LDHAL6A: variants seen among roughly 807,000 people sequenced by gnomAD.
The protein encoded by LDHAL6A is lactate dehydrogenase A like 6A.
Under a neutral mutation model 28.2 loss-of-function variants are expected in LDHAL6A, and 19 were observed. The ratio of observed to expected loss-of-function variants is 0.67; its 90% CI spans 0.47 to 0.99. The LOEUF is 0.99. Among genes scored for constraint, LDHAL6A ranks in the 50% least tolerant of loss-of-function variants. The pLI is 0.00. For missense variants in LDHAL6A, 372 were observed against 398.6 expected (o/e 0.93, Z 0.57); for synonymous variants, 144 against 134.4 (o/e 1.07, Z -0.49).
At chr11:18,470,880 T>C (rs1457840471) in intron 3 of LDHAL6A, among the ~76,000 whole-genome samples, 2 of 151,744 alleles carry the variant, frequency 1.3e-5, no homozygotes, top group South Asian at 2.1e-4. Context: ...AGAGACGGGG[T>C]TTCACCATGA....
rs150526077 is a variant in LDHAL6A at position 18,474,885 on chromosome 11, T to C, written c.419-581T>C. ...CAATGCTCTTTGCTTCCTTCTATTTTATGGTTAAAATAACACTTGTCATTG... is the reference window on the plus strand; with the variant it reads ...CAATGCTCTTTGCTTCCTTCTATTTCATGGTTAAAATAACACTTGTCATTG... On this transcript the variant is annotated intron_variant, in intron 3 of 6. Transcript: ENST00000280706. Among the ~76,000 whole-genome samples, 739 of 152,330 alleles carry C rather than the reference T, an allele frequency of 4.9e-3. 6 individuals are homozygous for C. Among genetic ancestry groups the C allele is most frequent in the African/African-American group, 0.017 (714 of 41,574 alleles).
chr11:18,478,963 G>A lies in LDHAL6A; in HGVS notation c.*93G>A. ...TTTGAATAAATTTGAATTTCTAAAAGTTGGAAAAATAGAGGAAAGAGTGAC... is the reference window on the plus strand; with the variant it reads ...TTTGAATAAATTTGAATTTCTAAAAATTGGAAAAATAGAGGAAAGAGTGAC... On this transcript the variant is annotated 3_prime_UTR_variant, in exon 7 of 7. Coordinates refer to ENST00000280706, the MANE Select transcript of LDHAL6A (RefSeq NM_144972.5). 8.7e-7 allele frequency: 1 copy of A among 1,153,230 alleles called. No homozygotes were observed. The highest frequency in any genetic ancestry group is 1.2e-6 in the Non-Finnish European group (1 of 818,884). The allele number at this position is 1,153,230 out of a possible 1,614,324, so 71.4% of individuals were successfully genotyped here.
At chr11:18,463,001 T>A (rs966288960) in intron 1 of LDHAL6A, among the ~76,000 whole-genome samples, 1 of 151,910 alleles carries the variant, frequency 6.6e-6, no homozygotes, top group Non-Finnish European at 1.5e-5. Flanking sequence ...CTTTCTTACA[T>A]ATAAAGTAGC....
In LDHAL6A at chr11:18,468,048, CGTATATATATAT is replaced by C. The variant is rs1565071768; in HGVS notation, c.418+2239_418+2250del. 1.6e-3 allele frequency among the ~76,000 whole-genome samples: 57 copies of C among 35,514 alleles called. 3 individuals are homozygous for C. The highest frequency in any genetic ancestry group is 6.1e-3 in the Admixed American group (17 of 2,766). 23.3% of individuals were successfully genotyped at this position (35,514 alleles called of 152,430 possible). ...ACGTATATATATATACATATATATA[CGTATATATATAT>C]ACATATATATATATATATTTTGCTT... On this transcript the variant is annotated intron_variant, in intron 3 of 6. Coordinates refer to ENST00000280706, the MANE Select transcript of LDHAL6A (RefSeq NM_144972.5).
chr11:18,474,030 C>A (rs544063689), intron 3 of LDHAL6A, among the ~76,000 whole-genome samples: 1 of 152,198 alleles, frequency 6.6e-6, no homozygotes, highest in African/African-American at 2.4e-5. Flanking sequence ...TGATATTGAA[C>A]CACCTTTGCA....
chr11:18,468,062 C>CATAT (rs148813517), intron 3 of LDHAL6A, among the ~76,000 whole-genome samples: 2,223 of 30,700 alleles, frequency 0.072, 197 homozygotes, highest in Non-Finnish European at 0.085. Flanking sequence ...TATATATATA[C>CATAT]ATATATATAT....
At chr11:18,460,919 C>G (rs189816376) in intron 1 of LDHAL6A, among the ~76,000 whole-genome samples, 1 of 152,254 alleles carries the variant, frequency 6.6e-6, no homozygotes, top group Non-Finnish European at 1.5e-5. Context: ...CTCACAGCAA[C>G]CTCCGCCTCC....
At chr11:18,462,838 AAAAAACAAAAAC>A in intron 1 of LDHAL6A, among the ~76,000 whole-genome samples, 1 of 151,686 alleles carries the variant, frequency 6.6e-6, no homozygotes, top group South Asian at 2.1e-4. Context: ...CCATCTCAAA[AAAAAACAAAAAC>A]AAAAACAAAA....
In LDHAL6A at chr11:18,460,900, A is replaced by G. The variant is rs147465234; in HGVS notation, c.127-3061A>G. 9.3e-4 allele frequency among the ~76,000 whole-genome samples: 142 copies of G among 152,216 alleles called. 1 individual carries two copies. Among genetic ancestry groups the G allele is most frequent in the African/African-American group, 3.2e-3 (135 of 41,540 alleles). On this transcript the variant is annotated intron_variant, in intron 1 of 6. Coordinates refer to ENST00000280706, the MANE Select transcript of LDHAL6A (RefSeq NM_144972.5). ...TGCACAGGCTGCAGTGCAATGGTCA[A>G]TCTGATAGCTCACAGCAACCTCCGC... is the stretch of plus-strand genomic sequence containing the variant.
chr11:18,456,866 T>C, intron 1 of LDHAL6A, 60 bp downstream of exon 1: 1 of 1,552,888 alleles, frequency 6.4e-7, no homozygotes, highest in Non-Finnish European at 8.7e-7. Context: ...CCACAGCGTA[T>C]GGTTGTGGAG....
At chr11:18,475,684 T>A (rs1293286701) in intron 4 of LDHAL6A, 45 bp downstream of exon 4, 2 of 1,523,448 alleles carry the variant, frequency 1.3e-6, no homozygotes, top group African/African-American at 2.8e-5. Context: ...CTATTTCCTA[T>A]CAATCATACA....
At chr11:18,469,029 C>T (rs1387245692) in intron 3 of LDHAL6A, 1 of 404,660 alleles carries the variant, frequency 2.5e-6, no homozygotes, top group African/African-American at 2.1e-5. Context: ...GCTGATGATA[C>T]ATTATCACAT....
At chr11:18,471,355 G>A (rs1026349958) in intron 3 of LDHAL6A, among the ~76,000 whole-genome samples, 4 of 151,644 alleles carry the variant, frequency 2.6e-5, no homozygotes, top group African/African-American at 7.3e-5. Context: ...GATTGCAGGC[G>A]CACACCATCA....
chr11:18,463,230 G>A (rs1848971029), intron 1 of LDHAL6A, among the ~76,000 whole-genome samples: 1 of 152,126 alleles, frequency 6.6e-6, no homozygotes. Context: ...CTCTGCCATG[G>A]ATTAATCTAT....
At chr11:18,473,390 T>TAGACAGACAGAC (rs34670581) in intron 3 of LDHAL6A, among the ~76,000 whole-genome samples, 2 of 151,628 alleles carry the variant, frequency 1.3e-5, no homozygotes, top group South Asian at 4.1e-4. Context: ...GGTAGGTAGG[T>TAGACAGACAGAC]AGACAGACAG....
At chr11:18,465,101 G>A (rs1849030077) in intron 2 of LDHAL6A, among the ~76,000 whole-genome samples, 1 of 151,356 alleles carries the variant, frequency 6.6e-6, no homozygotes, top group African/African-American at 2.4e-5. Context: ...CAAGTAACTG[G>A]GACTATAGGA....
rs1209279232 is a variant in LDHAL6A at position 18,464,995 on chromosome 11, TTG to T, written c.245-640_245-639del. 4.8e-4 allele frequency among the ~76,000 whole-genome samples: 69 copies of T among 144,672 alleles called. 6 individuals are homozygous for T. Among genetic ancestry groups the T allele is most frequent in the African/African-American group, 1.6e-3 (61 of 38,508 alleles). 94.9% of individuals were successfully genotyped at this position (144,672 alleles called of 152,430 possible). A position where few individuals can be genotyped will look rare whatever the true frequency, so the allele number is the denominator to read the frequency against. ...TTTTTTTGTTTTTTTTTGTTTTGTTTTGTTTTGGTTTGTTTTTGAGACAGTGT... is the reference window on the plus strand; with the variant it reads ...TTTTTTTGTTTTTTTTTGTTTTGTTTTTTTGGTTTGTTTTTGAGACAGTGT... On this transcript the variant is annotated intron_variant, in intron 2 of 6. Coordinates refer to ENST00000280706, the MANE Select transcript of LDHAL6A (RefSeq NM_144972.5).
chr11:18,463,817 C>A, intron 1 of LDHAL6A, 144 bp from the exon 2 acceptor site: 1 of 586,548 alleles, frequency 1.7e-6, no homozygotes, highest in South Asian at 2.3e-5. Context: ...TATATCATGA[C>A]AAAATGATGA....
chr11:18,475,434 G>A (rs750633547), intron 3 of LDHAL6A, 32 bp from the exon 4 acceptor site: 2 of 1,529,158 alleles, frequency 1.3e-6, no homozygotes, highest in Non-Finnish European at 9.0e-7. Context: ...TGTAGATGAG[G>A]ACATTTCTTG....
Sources: allele counts gnomAD v4.1 joint callset (sites outside exome capture counted in the v4.1 genomes callset), GRCh38; gene constraint gnomAD v4.1.1; transcripts MANE v1.5; gene names NCBI Gene and HGNC (gene_info 2026-07-23, HGNC 2026-07-21).